SMAD3: variants seen among roughly 807,000 people sequenced by gnomAD.
SMAD3 encodes the protein MAD homolog 3.
A neutral mutation model predicts 51.8 loss-of-function variants in SMAD3; 12 were observed. The observed-to-expected ratio is 0.23, with a 90% CI of 0.15 to 0.38. The LOEUF (loss-of-function observed/expected upper bound fraction) is 0.38, where lower values mean the gene tolerates loss of function less well. Ranked by LOEUF, SMAD3 falls within the 10% of genes least tolerant of loss-of-function variation. The pLI, the probability that SMAD3 is intolerant of heterozygous loss-of-function variation, is 1.00. For missense variants in SMAD3, 294 were observed against 565.6 expected (o/e 0.52, Z 4.87); for synonymous variants, 238 against 227.7 (o/e 1.05, Z -0.41).
chr15:67,181,181 A>G, intron 5 of SMAD3, 60 bp from the exon 6 acceptor site: 1 of 1,312,396 alleles, frequency 7.6e-7, no homozygotes, highest in Admixed American at 1.8e-5. Flanking sequence ...ATGGGACCCC[A>G]TCGAGGGAGC....
intron 1 of SMAD3, among the ~76,000 whole-genome samples, chr15:67,163,435 G>A (rs574899557): frequency 2.2e-4 from 33 of 152,234 alleles, no homozygotes; most frequent in Admixed American, 2.0e-3. Context: ...CTCCTCACCT[G>A]TCTAATACCA....
intron 1 of SMAD3, among the ~76,000 whole-genome samples, chr15:67,143,360 A>G (rs1353616545): frequency 6.6e-6 from 1 of 152,230 alleles, no homozygotes; most frequent in Non-Finnish European, 1.5e-5. Context: ...CACCTTTGAC[A>G]CAGTCTATTG....
intron 1 of SMAD3, among the ~76,000 whole-genome samples, chr15:67,160,832 T>C (rs1051424862): frequency 6.7e-6 from 1 of 149,954 alleles, no homozygotes; most frequent in African/African-American, 2.5e-5. Context: ...ATTGTTAATA[T>C]TGAGTTTTCA....
intron 1 of SMAD3, among the ~76,000 whole-genome samples, chr15:67,142,107 C>G (rs980970011): frequency 1.3e-5 from 2 of 152,186 alleles, no homozygotes; most frequent in African/African-American, 4.8e-5. Flanking sequence ...ACCAGCTCAT[C>G]TGTCATCCCC....
intron 1 of SMAD3, among the ~76,000 whole-genome samples, chr15:67,163,526 C>G (rs1437176217): frequency 6.6e-6 from 1 of 152,298 alleles, no homozygotes. Context: ...TTTTGCCGCC[C>G]CAAGCTCCCC....
Position 67,194,588 on chromosome 15 carries a change from C to CTAT in SMAD3, c.*4054_*4056dup, listed in dbSNP as rs544954467. 354 of 231,702 alleles carry CTAT rather than the reference C, an allele frequency of 1.5e-3. 1 individual carries two copies. The highest frequency in any genetic ancestry group is 2.4e-3 in the Non-Finnish European group (283 of 117,184). 14.4% of individuals were successfully genotyped at this position (231,702 alleles called of 1,614,324 possible). On this transcript the variant is annotated 3_prime_UTR_variant, in exon 9 of 9. Coordinates refer to ENST00000327367, the MANE Select transcript of SMAD3 (RefSeq NM_005902.4). Reference sequence around the variant, plus strand: ...TTCTTAAAACCATTCAGACAGATAACTATTTAATTTTTTTTAAGAAAGTTG... The same window carrying CTAT: ...TTCTTAAAACCATTCAGACAGATAACTATTATTTAATTTTTTTTAAGAAAGTTG...
intron 8 of SMAD3, among the ~76,000 whole-genome samples, chr15:67,190,033 G>A (rs969616343): frequency 6.6e-6 from 1 of 151,958 alleles, no homozygotes; most frequent in East Asian, 1.9e-4. Context: ...TGCCCGTTTG[G>A]TACAGATGGG....
chr15:67,184,691 A>G (rs778972004), intron 6 of SMAD3, 36 bp from the exon 7 acceptor site: 2 of 1,613,342 alleles, frequency 1.2e-6, no homozygotes, highest in Non-Finnish European at 1.7e-6. Context: ...TGTGTGAGCA[A>G]AGGCACCCTG....
intron 1 of SMAD3, among the ~76,000 whole-genome samples, chr15:67,161,138 T>C (rs1481569531): frequency 1.3e-5 from 2 of 152,216 alleles, no homozygotes; most frequent in Non-Finnish European, 2.9e-5. Context: ...TTGAAGATTA[T>C]CTTTTTTACA....
At chr15:67,176,482 C>G (rs548586849) in intron 5 of SMAD3, among the ~76,000 whole-genome samples, 1 of 152,338 alleles carries the variant, frequency 6.6e-6, no homozygotes, top group Admixed American at 6.5e-5. Context: ...GTGCTCCTGG[C>G]CTTTGCCCGT....
chr15:67,190,387 C>G (rs746695057), intron 8 of SMAD3, 26 bp from the exon 9 acceptor site: 24 of 1,611,994 alleles, frequency 1.5e-5, no homozygotes, highest in Non-Finnish European at 2.0e-5. Flanking sequence ...AGTCCCCCAC[C>G]CCACCCCTTT....
intron 1 of SMAD3, among the ~76,000 whole-genome samples, chr15:67,084,795 GC>G (rs1960354267): frequency 2.0e-5 from 3 of 152,156 alleles, no homozygotes; most frequent in Non-Finnish European, 4.4e-5. Flanking sequence ...CTAGGCACCG[GC>G]TGCATTCCAA....
At chr15:67,145,959 A>C (rs1961965041) in intron 1 of SMAD3, 1 of 152,234 alleles carries the variant, frequency 6.6e-6, no homozygotes. Flanking sequence ...GACCTTGTGG[A>C]ATACTCCTAA....
intron 1 of SMAD3, among the ~76,000 whole-genome samples, chr15:67,070,701 G>A (rs146302015): frequency 1.9e-3 from 280 of 150,846 alleles, no homozygotes; most frequent in South Asian, 0.015. Flanking sequence ...GGGGGCGGGC[G>A]TTGATGTGCC....
At chr15:67,107,308 T>A (rs1960900950) in intron 1 of SMAD3, among the ~76,000 whole-genome samples, 1 of 152,186 alleles carries the variant, frequency 6.6e-6, no homozygotes, top group Admixed American at 6.5e-5. Context: ...GAAGTAGCTT[T>A]ATCTGGGTGG....
At chr15:67,162,106 C>A (rs1962447307) in intron 1 of SMAD3, among the ~76,000 whole-genome samples, 1 of 152,178 alleles carries the variant, frequency 6.6e-6, no homozygotes, top group East Asian at 1.9e-4. Flanking sequence ...CCAGCTATGA[C>A]CTTTGTCTGT....
At chr15:67,184,270 T>TAA (rs368205462) in intron 6 of SMAD3, among the ~76,000 whole-genome samples, 6 of 148,962 alleles carry the variant, frequency 4.0e-5, no homozygotes, top group Admixed American at 1.3e-4. Context: ...CCCAGTTAAT[T>TAA]AAAAAAAAAA....
intron 7 of SMAD3, chr15:67,186,861 G>A (rs561375103): frequency 1.7e-5 from 6 of 351,706 alleles, no homozygotes; most frequent in East Asian, 7.7e-5. Flanking sequence ...CTGTGGGGAC[G>A]GCAGGCCCAG....
rs556033972 is a variant in SMAD3 at position 67,191,009 on chromosome 15, C to CTCT, written c.*476_*478dup. 2.8e-4 allele frequency: 68 copies of CTCT among 243,700 alleles called. No homozygotes were observed. The highest frequency in any genetic ancestry group is 1.5e-3 in the African/African-American group (67 of 45,874). 15.1% of individuals were successfully genotyped at this position (243,700 alleles called of 1,614,324 possible). ...AGCTCTCTGACGCTTGTGACAGTGC[C>CTCT]TCTTCCAGTGAACATTCCCAGCCCA... On this transcript the variant is annotated 3_prime_UTR_variant, in exon 9 of 9. Transcript: ENST00000327367.
Sources: gnomAD v4.1 joint callset for allele counts (sites outside exome capture counted in the v4.1 genomes callset) on GRCh38, gnomAD v4.1.1 for gene constraint, MANE v1.5 for transcripts, NCBI Gene and HGNC (gene_info 2026-07-23, HGNC 2026-07-21) for gene names.